Variants in RPL5 observed in about 807,000 individuals in gnomAD.
The protein encoded by RPL5 is large ribosomal subunit protein uL18.
A neutral mutation model predicts 38.4 loss-of-function variants in RPL5; 1 was observed. The observed-to-expected ratio is 0.03, with a 90% confidence interval of 0.01 to 0.12. RPL5 has a LOEUF of 0.12. Ranked by LOEUF, RPL5 falls within the 10% of genes least tolerant of loss-of-function variation. The pLI is 1.00. For missense variants in RPL5, 243 were observed against 374.1 expected (o/e 0.65, Z 2.89); for synonymous variants, 109 against 121.2 (o/e 0.90, Z 0.66).
In RPL5 at chr1:92,837,671, T is replaced by G. The variant is rs758293589; in HGVS notation, c.705+38T>G. 38 of 1,559,590 alleles carry G rather than the reference T, an allele frequency of 2.4e-5. No homozygotes were observed. Among genetic ancestry groups the G allele is most frequent in the Non-Finnish European group, 3.0e-5 (34 of 1,136,020 alleles). ...CCTAAAAATGCCTATATTGGTTAAT[T>G]TATGGAAATAGGTTTATTACTTGTT... is the stretch of plus-strand genomic sequence containing the variant. On this transcript the variant is annotated intron_variant, in intron 6 of 7. Transcript: ENST00000370321.
At chr1:92,840,050 C>T (rs1687290266) in intron 6 of RPL5, among the ~76,000 whole-genome samples, 1 of 149,902 alleles carries the variant, frequency 6.7e-6, no homozygotes, top group Non-Finnish European at 1.5e-5. Context: ...GATGAGGTCT[C>T]ATTCTGTCAT....
In RPL5 at chr1:92,836,360, AGCTG is replaced by A; in HGVS notation, c.496_499del (p.Ala166TrpfsTer45). The stretch of plus-strand genomic sequence containing the variant: ...ATAAAGTTTTTGGTGCCCTGAAGGG[AGCTG>A]TGGATGGAGGCTTGTCTATCCCTCA... On this transcript the variant is annotated frameshift_variant, in exon 5 of 8. Coordinates refer to ENST00000370321, the MANE Select transcript of RPL5 (RefSeq NM_000969.5). LOFTEE classifies it high-confidence loss of function. 1 of 1,614,144 alleles carries A rather than the reference AGCTG, an allele frequency of 6.2e-7. No individual in the cohort carries two copies. Among genetic ancestry groups the A allele is most frequent in the Non-Finnish European group, 8.5e-7 (1 of 1,180,026 alleles).
intron 3 of RPL5, 136 bp from the exon 4 acceptor site, chr1:92,834,643 C>T: frequency 1.7e-6 from 2 of 1,156,588 alleles, no homozygotes; most frequent in South Asian, 2.6e-5. Flanking sequence ...ACTGGTAACC[C>T]AGCTAAGAGT....
At chr1:92,835,676 A>AG (rs1316128564) in intron 4 of RPL5, among the ~76,000 whole-genome samples, 29 of 151,830 alleles carry the variant, frequency 1.9e-4, no homozygotes, top group African/African-American at 7.0e-4. Flanking sequence ...AAAAAAAAAA[A>AG]AAATGAGAAT....
chr1:92,832,202 G>A, intron 1 of RPL5, 85 bp downstream of exon 1: 1 of 1,588,282 alleles, frequency 6.3e-7, no homozygotes, highest in Non-Finnish European at 8.6e-7. Context: ...CCCGTCTCGC[G>A]CGTCGCAGGG....
At chr1:92,840,345 G>T in intron 6 of RPL5, 1 of 528,626 alleles carries the variant, frequency 1.9e-6, no homozygotes, top group Non-Finnish European at 3.4e-6. Flanking sequence ...GAGTTCTGTA[G>T]TGATAATTCA....
At chr1:92,832,245 G>C (rs893545382) in intron 1 of RPL5, 128 bp downstream of exon 1, 99 of 1,449,348 alleles carry the variant, frequency 6.8e-5, no homozygotes, top group Non-Finnish European at 8.4e-5. Flanking sequence ...GCTCTGACTT[G>C]GTCGAGGTGC....
chr1:92,832,553 A>G (rs1686951354), intron 1 of RPL5, among the ~76,000 whole-genome samples: 1 of 152,044 alleles, frequency 6.6e-6, no homozygotes, highest in Non-Finnish European at 1.5e-5. Context: ...TTTCCAGGAG[A>G]ATGTCGGAGC....
intron 6 of RPL5, among the ~76,000 whole-genome samples, chr1:92,838,757 A>G (rs1043010500): frequency 5.3e-5 from 8 of 152,224 alleles, no homozygotes; most frequent in African/African-American, 1.9e-4. Flanking sequence ...TTGAATGACT[A>G]TATATGAAGT....
intron 5 of RPL5, 193 bp downstream of exon 5, chr1:92,836,585 C>T: frequency 1.7e-6 from 1 of 599,794 alleles, no homozygotes. Flanking sequence ...AGTCTGAGGC[C>T]CAGAGTTATT....
chr1:92,832,815 A>T, intron 1 of RPL5: 1 of 580,906 alleles, frequency 1.7e-6, no homozygotes. Flanking sequence ...TAGTGGGGGA[A>T]TTACTGCTGA....
chr1:92,832,362 T>A, intron 1 of RPL5: 2 of 649,804 alleles, frequency 3.1e-6, no homozygotes, highest in African/African-American at 1.8e-5. Context: ...GGGAGAAGGG[T>A]GAGTTTAGTA....
chr1:92,834,787 T>C lies in RPL5; in HGVS notation c.198T>C (p.Tyr66=), dbSNP rs1553121896. 5 of 1,613,266 alleles carry C rather than the reference T, an allele frequency of 3.1e-6. No individual in the cohort carries two copies. Among genetic ancestry groups the C allele is most frequent in the Middle Eastern group, 1.8e-4 (1 of 5,616 alleles). ...TTTCTCTCTTACTATAGATTGCTTA[T>C]GCCCGTATAGAGGGGGATATGATAG... ...TNRDIICQIA[Y]ARIEGDMIVC... Residue 66 remains tyrosine (Y), a synonymous_variant, in exon 4 of 8, where the codon TAT becomes TAC. Coordinates refer to ENST00000370321, the MANE Select transcript of RPL5 (RefSeq NM_000969.5).
intron 3 of RPL5, 80 bp from the exon 4 acceptor site, chr1:92,834,699 T>A: frequency 1.3e-6 from 2 of 1,579,696 alleles, no homozygotes; most frequent in Non-Finnish European, 8.7e-7. Flanking sequence ...CAATGTTTTT[T>A]TATTCCCTTG....
chr1:92,837,269 C>T (rs766641929), intron 5 of RPL5, 187 bp from the exon 6 acceptor site: 4 of 770,324 alleles, frequency 5.2e-6, no homozygotes, highest in Middle Eastern at 2.3e-4. Flanking sequence ...CTTTTCTGTC[C>T]TGGAATTCAG....
chr1:92,838,860 A>G (rs911676477), intron 6 of RPL5, among the ~76,000 whole-genome samples: 1 of 152,234 alleles, frequency 6.6e-6, no homozygotes, highest in African/African-American at 2.4e-5. Context: ...GGGTATAGGT[A>G]GTTGAGGTTT....
intron 3 of RPL5, 21 bp from the exon 4 acceptor site, chr1:92,834,758 C>T: frequency 1.2e-6 from 2 of 1,612,188 alleles, no homozygotes; most frequent in Non-Finnish European, 1.7e-6. Context: ...GATTACTAAC[C>T]TAGTTTCTCT....
At chr1:92,838,896 A>G (rs1687226139) in intron 6 of RPL5, among the ~76,000 whole-genome samples, 1 of 152,150 alleles carries the variant, frequency 6.6e-6, no homozygotes, top group Non-Finnish European at 1.5e-5. Context: ...TTTTTGCATT[A>G]TTTTCCTTTA....
chr1:92,832,666 C>G lies in RPL5; in HGVS notation c.3+549C>G, dbSNP rs79480497. On this transcript the variant is annotated intron_variant, in intron 1 of 7. Coordinates refer to ENST00000370321, the MANE Select transcript of RPL5 (RefSeq NM_000969.5). ...TGGAGGCCGAGGGGTCCCTGGGCCC[C>G]GGAAGCTCCTTTAACATGGAATACG... is the stretch of plus-strand genomic sequence containing the variant. The G allele has an allele frequency of 4.2e-3, 1,395 of 328,710 alleles. 5 individuals carry two copies. Among genetic ancestry groups the G allele is most frequent in the Admixed American group, 0.011 (244 of 22,016 alleles). The allele number at this position is 328,710 out of a possible 1,614,324, so 20.4% of individuals were successfully genotyped here.
Sources: allele counts gnomAD v4.1 joint callset (sites outside exome capture counted in the v4.1 genomes callset), GRCh38; gene constraint gnomAD v4.1.1; transcripts MANE v1.5; gene names NCBI Gene and HGNC (gene_info 2026-07-23, HGNC 2026-07-21).